Variants in DENND1A observed in about 807,000 individuals in gnomAD.
DENND1A encodes the protein DENN domain-containing protein 1A.
A neutral mutation model predicts 113.7 loss-of-function variants in DENND1A; 51 were observed. The ratio of observed to expected loss-of-function variants is 0.45; its 90% CI spans 0.36 to 0.57. The LOEUF (loss-of-function observed/expected upper bound fraction) is 0.57, where lower values mean the gene tolerates loss of function less well. Among genes scored for constraint, DENND1A ranks in the 20% least tolerant of loss-of-function variants. The probability of loss-of-function intolerance (pLI) is 0.00; values close to 1 mark genes in which losing one functional copy is unlikely to be tolerated. For synonymous variants in DENND1A, 565 were observed against 570.8 expected, an observed-to-expected ratio of 0.99 and a Z score of 0.14; for missense variants, 1,258 against 1,395.9, an observed-to-expected ratio of 0.90 and a Z score of 1.57.
intron 9 of DENND1A, among the ~76,000 whole-genome samples, chr9:123,634,453 C>G (rs569291144): frequency 2.8e-4 from 42 of 152,292 alleles, no homozygotes; most frequent in African/African-American, 8.9e-4. Context: ...TATACTCAAT[C>G]AGAAATAATG....
chr9:123,524,921 T>C (rs1216169025), intron 13 of DENND1A, among the ~76,000 whole-genome samples: 1 of 152,216 alleles, frequency 6.6e-6, no homozygotes, highest in Non-Finnish European at 1.5e-5. Flanking sequence ...CCCAGACTGT[T>C]TCACACCTGG....
chr9:123,416,728 G>A (rs10122392), intron 19 of DENND1A, among the ~76,000 whole-genome samples: 50,627 of 151,972 alleles, frequency 0.33, 8,445 homozygotes, highest in Admixed American at 0.37. Context: ...TTTCTTCGAT[G>A]GTCAACGCAA....
intron 5 of DENND1A, among the ~76,000 whole-genome samples, chr9:123,722,878 G>A (rs1229808812): frequency 6.6e-6 from 1 of 152,246 alleles, no homozygotes; most frequent in African/African-American, 2.4e-5. Context: ...CTCCCACACA[G>A]AGTCCCTACT....
intron 2 of DENND1A, among the ~76,000 whole-genome samples, chr9:123,839,649 A>G (rs1470462993): frequency 6.6e-6 from 1 of 152,238 alleles, no homozygotes; most frequent in Admixed American, 6.5e-5. Context: ...AAAGCTTACA[A>G]TGAAAGCACA....
chr9:123,757,423 G>T (rs543048311), intron 5 of DENND1A, among the ~76,000 whole-genome samples: 38 of 152,200 alleles, frequency 2.5e-4, no homozygotes, highest in Non-Finnish European at 4.7e-4. Flanking sequence ...AACAGCAGAA[G>T]GCACTGAAGC....
intron 13 of DENND1A, among the ~76,000 whole-genome samples, chr9:123,553,406 C>CT (rs1009642540): frequency 6.6e-6 from 1 of 151,096 alleles, no homozygotes; most frequent in Non-Finnish European, 1.5e-5. Context: ...AGCCGCCCCC[C>CT]CCCCGCTCCT....
At chr9:123,811,992 C>A (rs2132462126) in intron 2 of DENND1A, among the ~76,000 whole-genome samples, 1 of 152,148 alleles carries the variant, frequency 6.6e-6, no homozygotes, top group East Asian at 1.9e-4. Context: ...GTGTACTTAA[C>A]AAGCTTAGAA....
chr9:123,529,208 G>GT lies in DENND1A; in HGVS notation c.993+28361dup, dbSNP rs1239186324. ...TTGTCTATATTGCCCAAGCTGGGTG[G>GT]TATGAGGACCTAAAAAATGTTACTG... On this transcript the variant is annotated intron_variant, in intron 13 of 23. Transcript: ENST00000394215. Among the ~76,000 whole-genome samples the GT allele has an allele frequency of 5.9e-5, 9 of 152,180 alleles. No homozygotes were observed. In the East Asian group the frequency reaches 1.7e-3, roughly 29 times the overall value.
intron 10 of DENND1A, among the ~76,000 whole-genome samples, chr9:123,626,222 C>T (rs544489999): frequency 2.3e-4 from 35 of 152,128 alleles, no homozygotes; most frequent in African/African-American, 7.7e-4. Context: ...ACACATCTGG[C>T]GTGTGGTGTG....
rs76613166 is a variant in DENND1A, at chr9:123,696,792, A to G, written c.303-20003T>C. On this transcript the variant is annotated intron_variant, in intron 5 of 23. Transcript: ENST00000394215. ...TTTACATGAACTCATTAGACAGCGA[A>G]GGGGCAGGGATAGAGCGTGTTCCTT... 1.6e-4 allele frequency among the ~76,000 whole-genome samples: 24 copies of G among 152,288 alleles called. No homozygotes were observed. The East Asian group carries it at 3.9e-3, about 24-fold the overall frequency.
At chr9:123,599,278 G>C (rs188394132) in intron 11 of DENND1A, among the ~76,000 whole-genome samples, 2 of 152,312 alleles carry the variant, frequency 1.3e-5, no homozygotes, top group African/African-American at 2.4e-5. Context: ...AATATGTAAA[G>C]AGAGATCTAT....
chr9:123,396,009 G>A (rs970923478), intron 21 of DENND1A, among the ~76,000 whole-genome samples: 5 of 152,124 alleles, frequency 3.3e-5, no homozygotes, highest in South Asian at 2.1e-4. Flanking sequence ...ACGCGTGTGA[G>A]ACAAAGAGAA....
chr9:123,836,888 T>C (rs1167805923), intron 2 of DENND1A, among the ~76,000 whole-genome samples: 1 of 152,200 alleles, frequency 6.6e-6, no homozygotes, highest in Non-Finnish European at 1.5e-5. Flanking sequence ...TTTTGGAATA[T>C]TTATTGCATA....
intron 6 of DENND1A, among the ~76,000 whole-genome samples, chr9:123,675,872 G>A (rs1009255657): frequency 4.6e-5 from 7 of 152,150 alleles, no homozygotes; most frequent in Admixed American, 3.3e-4. Flanking sequence ...GCCCATCTGG[G>A]ATTCTCCTTT....
At chr9:123,445,450 T>C (rs1290091771) in intron 18 of DENND1A, among the ~76,000 whole-genome samples, 2 of 152,204 alleles carry the variant, frequency 1.3e-5, no homozygotes, top group African/African-American at 4.8e-5. Context: ...TGCTGGGTCC[T>C]ACAAAGATTC....
chr9:123,769,204 TAAC>T (rs1246785524), intron 4 of DENND1A, among the ~76,000 whole-genome samples: 2 of 152,144 alleles, frequency 1.3e-5, no homozygotes, highest in African/African-American at 4.8e-5. Flanking sequence ...CATATTTAAA[TAAC>T]AATTAAATAG....
intron 19 of DENND1A, among the ~76,000 whole-genome samples, chr9:123,420,113 G>A (rs574547080): frequency 6.6e-6 from 1 of 152,350 alleles, no homozygotes; most frequent in South Asian, 2.1e-4. Flanking sequence ...GTCACGCTGA[G>A]GAAGAGGTTT....
intron 13 of DENND1A, among the ~76,000 whole-genome samples, chr9:123,485,069 C>T (rs572264118): frequency 3.9e-5 from 6 of 152,368 alleles, no homozygotes; most frequent in East Asian, 1.9e-4. Context: ...TCTTCCTAGA[C>T]TGTGCACTCC....
At chr9:123,720,465 G>A (rs1051176544) in intron 5 of DENND1A, among the ~76,000 whole-genome samples, 21 of 152,272 alleles carry the variant, frequency 1.4e-4, no homozygotes, top group African/African-American at 4.6e-4. Context: ...ATAGGCCTGC[G>A]ACTTCAAATG....
Sources: allele counts gnomAD v4.1 joint callset (sites outside exome capture counted in the v4.1 genomes callset), GRCh38; gene constraint gnomAD v4.1.1; transcripts MANE v1.5; gene names NCBI Gene and HGNC (gene_info 2026-07-23, HGNC 2026-07-21).